Variants in DPY19L2 observed in about 807,000 individuals in gnomAD.
DPY19L2 encodes the protein probable C-mannosyltransferase DPY19L2.
In DPY19L2, 34 loss-of-function variants were observed where a neutral mutation model predicts 97.9. That is an observed-to-expected ratio of 0.35 (90% CI 0.26 to 0.46). DPY19L2 has a LOEUF of 0.46. Ranked by LOEUF, DPY19L2 falls within the 20% of genes least tolerant of loss-of-function variation. The pLI, the probability that DPY19L2 is intolerant of heterozygous loss-of-function variation, is 1.00. For synonymous variants in DPY19L2, 230 were observed against 307.9 expected (o/e 0.75, Z 2.65); for missense variants, 623 against 911.4 (o/e 0.68, Z 4.07).
At position 63,638,614 on chromosome 12, in the gene DPY19L2, T is replaced by G. The variant is rs554252295; in HGVS notation, c.803+5789A>C. Among the ~76,000 whole-genome samples, 6 of 151,854 alleles carry G rather than the reference T, an allele frequency of 4.0e-5. No homozygotes were observed. The East Asian group carries it at 1.2e-3, about 29-fold the overall frequency. ...GAGTGAACTCCCATTCACAATTGTT[T>G]CAAAGAGAATACCTAGGAATCCAAC... On this transcript the variant is annotated intron_variant, in intron 6 of 21. Coordinates refer to ENST00000324472, the MANE Select transcript of DPY19L2 (RefSeq NM_173812.5).
rs569331492 is a variant in DPY19L2 at position 63,629,294 on chromosome 12, T to C, written c.804-2768A>G. 3.7e-4 allele frequency among the ~76,000 whole-genome samples: 56 copies of C among 152,102 alleles called. 1 individual carries two copies. In the South Asian group the frequency reaches 0.01, roughly 28 times the overall value. Reference sequence around the variant, plus strand: ...AGCTAAAGGAGGAAGTTAGAACCCATGGCAAAGAAGTTAAAAACCTTGAAA... The same window carrying C: ...AGCTAAAGGAGGAAGTTAGAACCCACGGCAAAGAAGTTAAAAACCTTGAAA... On this transcript the variant is annotated intron_variant, in intron 6 of 21. Transcript: ENST00000324472.
intron 10 of DPY19L2, 127 bp from the exon 11 acceptor site, chr12:63,617,517 G>C (rs1209385764): frequency 1.7e-6 from 1 of 581,000 alleles, no homozygotes; most frequent in Admixed American, 3.7e-5. Context: ...TTGGCCAAAT[G>C]ATAACAGAAT....
chr12:63,610,168 T>C (rs1465069069), intron 11 of DPY19L2, among the ~76,000 whole-genome samples: 2 of 151,754 alleles, frequency 1.3e-5, no homozygotes, highest in Non-Finnish European at 1.5e-5. Flanking sequence ...TAATAGTTAT[T>C]AGTACTTTAA....
At chr12:63,604,285 A>G (rs1248020365) in intron 12 of DPY19L2, among the ~76,000 whole-genome samples, 3 of 152,242 alleles carry the variant, frequency 2.0e-5, no homozygotes, top group Admixed American at 6.5e-5. Flanking sequence ...TCATTTTAAA[A>G]GTTAACTTAT....
Position 63,580,844 on chromosome 12 carries a change from G to A in DPY19L2, c.1726-8C>T, listed in dbSNP as rs753775263. 15 of 1,609,212 alleles carry A rather than the reference G, an allele frequency of 9.3e-6. No homozygotes were observed. The highest frequency in any genetic ancestry group is 3.3e-5 in the South Asian group (3 of 90,178). Reference sequence around the variant, plus strand: ...AAAAAGCCAGCCAAAGAGCTGAAACGAAAGAAACCGTTTATTTCTAGTTCT... The same window carrying A: ...AAAAAGCCAGCCAAAGAGCTGAAACAAAAGAAACCGTTTATTTCTAGTTCT... On this transcript the variant is annotated splice_polypyrimidine_tract_variant and splice_region_variant and intron_variant, in intron 18 of 21. Coordinates refer to ENST00000324472, the MANE Select transcript of DPY19L2 (RefSeq NM_173812.5).
chr12:63,649,294 C>T (rs117266638), intron 4 of DPY19L2, among the ~76,000 whole-genome samples: 1 of 152,034 alleles, frequency 6.6e-6, no homozygotes, highest in East Asian at 1.9e-4. Flanking sequence ...CAAACCAACC[C>T]GAAATCTAGC....
chr12:63,613,628 CTG>C (rs1001592897), intron 11 of DPY19L2, among the ~76,000 whole-genome samples: 31 of 151,430 alleles, frequency 2.0e-4, no homozygotes, highest in African/African-American at 7.5e-4. Context: ...ATTAGAAAAA[CTG>C]AGAAATGAGC....
chr12:63,602,534 C>T (rs1339072444), intron 12 of DPY19L2, among the ~76,000 whole-genome samples: 1 of 152,068 alleles, frequency 6.6e-6, no homozygotes, highest in Non-Finnish European at 1.5e-5. Context: ...AGACCTGAAT[C>T]GGCATTTGGA....
At position 63,624,120 on chromosome 12, in the gene DPY19L2, C is replaced by T. The variant is rs1402733566; in HGVS notation, c.873G>A (p.Val291=). The T allele has an allele frequency of 6.2e-7, 1 of 1,611,126 alleles. No homozygotes were observed. Among genetic ancestry groups the T allele is most frequent in the Non-Finnish European group, 8.5e-7 (1 of 1,179,224 alleles). The change falls in exon 8 of 22, where the codon GTG becomes GTA. Residue 291 remains valine, a synonymous_variant. Transcript: ENST00000324472. The part of the protein sequence containing the change: ...FFFNHGEATR[V]MWTPPLRESF... ...TTTCACGGAGAGGTGGTGTCCACAT[C>T]ACACGGGTGGCCTGAAATCAACAAA...
At chr12:63,565,287 T>C (rs1877443478) in intron 21 of DPY19L2, among the ~76,000 whole-genome samples, 1 of 152,142 alleles carries the variant, frequency 6.6e-6, no homozygotes, top group South Asian at 2.1e-4. Context: ...CTTTCAAAGT[T>C]TGGAGCTCGT....
chr12:63,648,677 C>CA (rs1005599259), intron 4 of DPY19L2, among the ~76,000 whole-genome samples: 52 of 152,080 alleles, frequency 3.4e-4, no homozygotes, highest in African/African-American at 1.2e-3. Context: ...ATCCTGAAAG[C>CA]AACAAGATGG....
At chr12:63,582,194 C>T (rs1398574287) in intron 18 of DPY19L2, among the ~76,000 whole-genome samples, 4 of 152,152 alleles carry the variant, frequency 2.6e-5, no homozygotes, top group South Asian at 4.2e-4. Context: ...ATAGAAATAT[C>T]AATTAAAATC....
At chr12:63,664,170 G>C (rs1913212) in intron 2 of DPY19L2, among the ~76,000 whole-genome samples, 22,713 of 151,650 alleles carry the variant, frequency 0.15, 2,001 homozygotes, top group East Asian at 0.28. Flanking sequence ...AACCCCGTCT[G>C]TACTAAAAAC....
chr12:63,600,380 G>T lies in DPY19L2; in HGVS notation c.1285C>A (p.Gln429Lys). ...GVSKLNFWLI[Q>K]GSAWWCGTII... ...GTTCCACACCACCAGGCACTACCTTGAATTAGCTAGAAAATAAAATAGAAG... is the reference window on the plus strand; with the variant it reads ...GTTCCACACCACCAGGCACTACCTTTAATTAGCTAGAAAATAAAATAGAAG... The change falls in exon 13 of 22, where the codon CAA (glutamine) becomes AAA (lysine). Residue 429 changes from glutamine (Q) to lysine (K), a missense_variant. Transcript: ENST00000324472. The T allele has an allele frequency of 6.3e-7, 1 of 1,581,254 alleles. No individual in the cohort carries two copies. The highest frequency in any genetic ancestry group is 8.7e-7 in the Non-Finnish European group (1 of 1,153,142).
chr12:63,635,179 G>A (rs1891431763), intron 6 of DPY19L2, among the ~76,000 whole-genome samples: 2 of 152,186 alleles, frequency 1.3e-5, no homozygotes, highest in Non-Finnish European at 1.5e-5. Flanking sequence ...AGGGTCTGGA[G>A]TGGACCTCCA....
At chr12:63,643,075 A>C (rs1244891896) in intron 6 of DPY19L2, among the ~76,000 whole-genome samples, 4 of 152,166 alleles carry the variant, frequency 2.6e-5, no homozygotes, top group African/African-American at 9.6e-5. Context: ...AAAGTATAAA[A>C]TTTATAATTT....
At chr12:63,668,498 C>G (rs1896606014), upstream of DPY19L2, 2 of 1,221,420 alleles carry the variant, frequency 1.6e-6, no homozygotes, top group African/African-American at 3.1e-5. Context: ...CGGACTTGTC[C>G]CCGCAGCCGT....
chr12:63,659,329 C>T (rs986063290), intron 4 of DPY19L2, among the ~76,000 whole-genome samples: 5 of 151,934 alleles, frequency 3.3e-5, no homozygotes, highest in African/African-American at 9.7e-5. Flanking sequence ...TGAAAAAATA[C>T]AAAACATTGC....
chr12:63,605,721 T>C (rs1885925392), intron 12 of DPY19L2, among the ~76,000 whole-genome samples: 1 of 152,166 alleles, frequency 6.6e-6, no homozygotes. Context: ...ATTATAAATT[T>C]ATAAAGACAT....
Sources: allele counts gnomAD v4.1 joint callset (sites outside exome capture counted in the v4.1 genomes callset), GRCh38; gene constraint gnomAD v4.1.1; transcripts MANE v1.5; gene names NCBI Gene and HGNC (gene_info 2026-07-23, HGNC 2026-07-21).